POLR3D: variants seen among roughly 807,000 people sequenced by gnomAD.
POLR3D encodes the protein RNA polymerase III subunit D.
Under a neutral mutation model 44.5 loss-of-function variants are expected in POLR3D, and 42 were observed. The ratio of observed to expected loss-of-function variants is 0.94; its 90% CI spans 0.74 to 1.22. The LOEUF is 1.22. Among genes scored for constraint, POLR3D ranks in the 50% most tolerant of loss-of-function variants. The probability of loss-of-function intolerance (pLI) is 0.00; values close to 1 mark genes in which losing one functional copy is unlikely to be tolerated. For synonymous variants in POLR3D, 217 were observed against 198.1 expected (o/e 1.10, Z -0.80); for missense variants, 507 against 505.2 (o/e 1.00, Z -0.03).
Position 22,254,466 on chromosome 8 carries a change from A to T in POLR3D, c.*3948A>T, listed in dbSNP as rs2131952902. On this transcript the variant is annotated 3_prime_UTR_variant, in exon 9 of 9. Transcript: ENST00000306433. ...CAAGACCAGCCTGGGCAACATGGTG[A>T]AACCTTGTCTCTGAAAAATAAATAA... The T allele has an allele frequency of 6.6e-6, 1 of 152,346 alleles. No homozygotes were observed. Among genetic ancestry groups the T allele is most frequent in the South Asian group, 2.1e-4 (1 of 4,816 alleles). The allele number at this position is 152,346 out of a possible 1,614,324, so 9.4% of individuals were successfully genotyped here. A position where few individuals can be genotyped will look rare whatever the true frequency, so the allele number is the denominator to read the frequency against.
Position 22,250,511 on chromosome 8 carries a change from A to G in POLR3D, c.1190A>G (p.His397Arg), listed in dbSNP as rs926084205. The change falls in exon 9 of 9, where the codon CAC (histidine) becomes CGC (arginine). Residue 397 changes from histidine (H) to arginine (R), a missense_variant. His to Arg is a conservative substitution (Grantham distance 29, BLOSUM62 0). Coordinates refer to ENST00000306433, the MANE Select transcript of POLR3D (RefSeq NM_001722.3). The stretch of plus-strand genomic sequence containing the variant: ...TTTGAATCCCTCTTGGATCACAAAC[A>G]CCGGTAAAATGAGCAGGTGGAGGAG... Reference protein sequence around the residue: ...PDFESLLDHKHR With the variant: ...PDFESLLDHKRR 1.9e-6 allele frequency: 3 copies of G among 1,614,028 alleles called. No homozygotes were observed. In the East Asian group the frequency reaches 6.7e-5, roughly 36 times the overall value.
intron 1 of POLR3D, 35 bp downstream of exon 1, chr8:22,245,218 C>T: frequency 1.1e-5 from 6 of 559,178 alleles, no homozygotes; most frequent in South Asian, 6.2e-5. Context: ...AGCCGCGGCC[C>T]GGGTGCGTCC....
At position 22,251,560 on chromosome 8, in the gene POLR3D, T is replaced by G. The variant is rs1830105855; in HGVS notation, c.*1042T>G. On this transcript the variant is annotated 3_prime_UTR_variant, in exon 9 of 9. Transcript: ENST00000306433. The stretch of plus-strand genomic sequence containing the variant: ...AATCCTTCATAAGAGAAGTTAGGGA[T>G]GTATTGAATAATGGCCTCTTTGACA... The G allele has an allele frequency of 6.5e-6, 1 of 153,732 alleles. No individual in the cohort carries two copies. Among genetic ancestry groups the G allele is most frequent in the Non-Finnish European group, 1.5e-5 (1 of 68,048 alleles). The allele number at this position is 153,732 out of a possible 1,614,324, so 9.5% of individuals were successfully genotyped here.
chr8:22,245,376 G>C, intron 1 of POLR3D, 69 bp from the exon 2 acceptor site: 2 of 1,198,204 alleles, frequency 1.7e-6, no homozygotes, highest in South Asian at 3.1e-5. Context: ...CGGAAAGCAA[G>C]GGGGTGGGGT....
Position 22,254,495 on chromosome 8 carries a change from A to G in POLR3D, c.*3977A>G, listed in dbSNP as rs984820673. The G allele has an allele frequency of 1.3e-5, 2 of 152,160 alleles. No individual in the cohort carries two copies. The highest frequency in any genetic ancestry group is 2.4e-5 in the African/African-American group (1 of 41,426). The allele number at this position is 152,160 out of a possible 1,614,324, so 9.4% of individuals were successfully genotyped here. A position where few individuals can be genotyped will look rare whatever the true frequency, so the allele number is the denominator to read the frequency against. ...CTTGTCTCTGAAAAATAAATAATAC[A>G]CACCCACATGCACACACATCCAGTT... On this transcript the variant is annotated 3_prime_UTR_variant, in exon 9 of 9. Coordinates refer to ENST00000306433, the MANE Select transcript of POLR3D (RefSeq NM_001722.3).
chr8:22,245,438 C>T lies in POLR3D; in HGVS notation c.-5-7C>T, dbSNP rs1830028454. On this transcript the variant is annotated splice_polypyrimidine_tract_variant and splice_region_variant and intron_variant, in intron 1 of 8. Transcript: ENST00000306433. Reference sequence around the variant, plus strand: ...CTCTGGTGATCTCGTCGCCCCTTCTCTCCCAGGCAACATGTCGGAAGGAAA... The same window carrying T: ...CTCTGGTGATCTCGTCGCCCCTTCTTTCCCAGGCAACATGTCGGAAGGAAA... The T allele has an allele frequency of 1.1e-5, 14 of 1,309,540 alleles. No homozygotes were observed. The highest frequency in any genetic ancestry group is 1.4e-5 in the Non-Finnish European group (14 of 1,021,618). 81.1% of individuals were successfully genotyped at this position (1,309,540 alleles called of 1,614,324 possible). A position where few individuals can be genotyped will look rare whatever the true frequency, so the allele number is the denominator to read the frequency against.
At position 22,252,610 on chromosome 8, in the gene POLR3D, AGAGAG is replaced by A. The variant is rs1470636429; in HGVS notation, c.*2098_*2102del. On this transcript the variant is annotated 3_prime_UTR_variant, in exon 9 of 9. Transcript: ENST00000306433. ...AGGTCTTATTAATAAGTGTGGGAAA[AGAGAG>A]GAGAGTCCACCTTCTTGGTCAGGCC... 6.6e-6 allele frequency: 1 copy of A among 152,156 alleles called. No homozygotes were observed. Among genetic ancestry groups the A allele is most frequent in the African/African-American group, 2.4e-5 (1 of 41,440 alleles). 9.4% of individuals were successfully genotyped at this position (152,156 alleles called of 1,614,324 possible).
chr8:22,250,461 G>A lies in POLR3D; in HGVS notation c.1140G>A (p.Lys380=). The change falls in exon 9 of 9, where the codon AAG becomes AAA. Residue 380 remains lysine (K), a synonymous_variant. Transcript: ENST00000306433. ...AGATGACAGTCCTGGGACACGTGAA[G>A]CACAAACTTGTATGTTCCCCTGATT... The part of the protein sequence containing the change: ...TGEMTVLGHV[K]HKLVCSPDFE... 1 of 1,614,184 alleles carries A rather than the reference G, an allele frequency of 6.2e-7. No individual in the cohort carries two copies. Among genetic ancestry groups the A allele is most frequent in the Non-Finnish European group, 8.5e-7 (1 of 1,180,030 alleles).
intron 7 of POLR3D, 48 bp from the exon 8 acceptor site, chr8:22,250,027 G>A: frequency 6.2e-7 from 1 of 1,605,164 alleles, no homozygotes; most frequent in Non-Finnish European, 8.5e-7. Flanking sequence ...ATGAAAGATG[G>A]AGGAAAGAGC....
Position 22,250,402 on chromosome 8 carries a change from G to A in POLR3D, c.1081G>A (p.Val361Met), listed in dbSNP as rs1830092463. 1 of 1,614,074 alleles carries A rather than the reference G, an allele frequency of 6.2e-7. No individual in the cohort carries two copies. Among genetic ancestry groups the A allele is most frequent in the African/African-American group, 1.3e-5 (1 of 74,936 alleles). Reference sequence around the variant, plus strand: ...TGTCTCTGTTAATTGGCAGGAGCTGGTGTCCGTGGGCCTTGGAGACAGTAG... The same window carrying A: ...TGTCTCTGTTAATTGGCAGGAGCTGATGTCCGTGGGCCTTGGAGACAGTAG... The part of the protein sequence containing the change: ...GTACSFLQEL[V>M]SVGLGDSRTG... The change falls in exon 9 of 9, where the codon GTG (valine) becomes ATG (methionine). Residue 361 changes from valine to methionine, a missense_variant. Coordinates refer to ENST00000306433, the MANE Select transcript of POLR3D (RefSeq NM_001722.3).
In POLR3D at chr8:22,249,249, C is replaced by G. The variant is rs768281831; in HGVS notation, c.861C>G (p.Ile287Met). ...CACCCACCCAGGACATCAAGCCTAT[C>G]AAGACAGAGGTGCAGGGCGAGGACG... ...GQPPTQDIKPIKTEVQGEDGQ... is the reference protein window; with the variant it reads ...GQPPTQDIKPMKTEVQGEDGQ... Residue 287 changes from isoleucine (I) to methionine (M), a missense_variant, in exon 7 of 9, where the codon ATC becomes ATG. Physicochemically the swap from Ile to Met is conservative, Grantham distance 10 (BLOSUM62 1). Transcript: ENST00000306433. 2 of 1,614,044 alleles carry G rather than the reference C, an allele frequency of 1.2e-6. No homozygotes were observed. Among genetic ancestry groups the G allele is most frequent in the East Asian group, 2.2e-5 (1 of 44,852 alleles).
chr8:22,248,704 C>G (rs1830068656), intron 6 of POLR3D, 55 bp downstream of exon 6: 3 of 1,536,038 alleles, frequency 2.0e-6, no homozygotes, highest in South Asian at 2.4e-5. Context: ...CCCAGGAATC[C>G]CGTGCATCAG....
At position 22,254,263 on chromosome 8, in the gene POLR3D, A is replaced by AT. The variant is rs1331190592; in HGVS notation, c.*3747dup. The AT allele has an allele frequency of 6.6e-6, 1 of 152,226 alleles. No individual in the cohort carries two copies. Among genetic ancestry groups the AT allele is most frequent in the Non-Finnish European group, 1.5e-5 (1 of 68,028 alleles). The allele number at this position is 152,226 out of a possible 1,614,324, so 9.4% of individuals were successfully genotyped here. A position where few individuals can be genotyped will look rare whatever the true frequency, so the allele number is the denominator to read the frequency against. On this transcript the variant is annotated 3_prime_UTR_variant, in exon 9 of 9. Transcript: ENST00000306433. ...ATGTGGCTGCAAAGCACATGATTTCATTGTATTTTATGACTGCTCATGTAT... is the reference window on the plus strand; with the variant it reads ...ATGTGGCTGCAAAGCACATGATTTCATTTGTATTTTATGACTGCTCATGTAT...
In POLR3D at chr8:22,248,009, G is replaced by T. The variant is rs773968328; in HGVS notation, c.361+1G>T. The T allele has an allele frequency of 6.2e-6, 10 of 1,613,100 alleles. No homozygotes were observed. The Admixed American group carries it at 6.7e-5, about 11-fold the overall frequency. ...CCAGCTGAAATGATGAAGAAAAAAG[G>T]TATAAGGAAGGAATCAGTGAATTTC... On this transcript the variant is annotated splice_donor_variant, in intron 4 of 8. Coordinates refer to ENST00000306433, the MANE Select transcript of POLR3D (RefSeq NM_001722.3). LOFTEE classifies it high-confidence loss of function.
intron 3 of POLR3D, among the ~76,000 whole-genome samples, 161 bp from the exon 4 acceptor site, chr8:22,247,696 A>C (rs549052615): frequency 4.6e-5 from 7 of 152,220 alleles, no homozygotes; most frequent in Non-Finnish European, 8.8e-5. Context: ...TCATCAAGGA[A>C]GTGAGAAAAG....
Position 22,252,681 on chromosome 8 carries a change from C to A in POLR3D, c.*2163C>A, listed in dbSNP as rs898328634. On this transcript the variant is annotated 3_prime_UTR_variant, in exon 9 of 9. Coordinates refer to ENST00000306433, the MANE Select transcript of POLR3D (RefSeq NM_001722.3). The stretch of plus-strand genomic sequence containing the variant: ...TCTACCAAGGAATATGGACAGATGA[C>A]AGAGGAGAAGAGCCCAAAGCCAAAT... 1 of 152,208 alleles carries A rather than the reference C, an allele frequency of 6.6e-6. No individual in the cohort carries two copies. The highest frequency in any genetic ancestry group is 1.5e-5 in the Non-Finnish European group (1 of 68,046). The allele number at this position is 152,208 out of a possible 1,614,324, so 9.4% of individuals were successfully genotyped here.
intron 6 of POLR3D, 115 bp from the exon 7 acceptor site, chr8:22,248,929 C>G (rs1830071026): frequency 2.5e-6 from 3 of 1,210,856 alleles, no homozygotes; most frequent in Non-Finnish European, 3.6e-6. Context: ...ACTGGTGCCT[C>G]CTTCCCACTC....
At position 22,252,971 on chromosome 8, in the gene POLR3D, G is replaced by T. The variant is rs1830117854; in HGVS notation, c.*2453G>T. On this transcript the variant is annotated 3_prime_UTR_variant, in exon 9 of 9. Transcript: ENST00000306433. ...AGTGAGACAGTAGTAGCTTAATAGG[G>T]TTGCTTTTAAATTAGAGTGAACATG... 6.6e-6 allele frequency: 1 copy of T among 152,072 alleles called. No individual in the cohort carries two copies. Among genetic ancestry groups the T allele is most frequent in the Admixed American group, 6.6e-5 (1 of 15,264 alleles). 9.4% of individuals were successfully genotyped at this position (152,072 alleles called of 1,614,324 possible). A position where few individuals can be genotyped will look rare whatever the true frequency, so the allele number is the denominator to read the frequency against.
Position 22,250,671 on chromosome 8 carries a change from C to T in POLR3D, c.*153C>T. On this transcript the variant is annotated 3_prime_UTR_variant, in exon 9 of 9. Coordinates refer to ENST00000306433, the MANE Select transcript of POLR3D (RefSeq NM_001722.3). Reference sequence around the variant, plus strand: ...TGTTCCAGGTCCCCCAGGGCTTCCTCCCACAGCAGCTGTGAATGGCACAGT... The same window carrying T: ...TGTTCCAGGTCCCCCAGGGCTTCCTTCCACAGCAGCTGTGAATGGCACAGT... The T allele has an allele frequency of 1.2e-6, 1 of 867,122 alleles. No individual in the cohort carries two copies. The allele number at this position is 867,122 out of a possible 1,614,324, so 53.7% of individuals were successfully genotyped here.
Sources: gnomAD v4.1 joint callset for allele counts (sites outside exome capture counted in the v4.1 genomes callset) on GRCh38, gnomAD v4.1.1 for gene constraint, MANE v1.5 for transcripts, NCBI Gene and HGNC (gene_info 2026-07-23, HGNC 2026-07-21) for gene names.